The following ALDH16A1 variants were observed in gnomAD, a reference collection of about 807,000 sequenced individuals.
ALDH16A1 encodes the protein aldehyde dehydrogenase 16 family member A1, also known as aldehyde dehydrogenase family 16 member A1.
A neutral mutation model predicts 96.1 loss-of-function variants in ALDH16A1; 88 were observed. The observed-to-expected ratio is 0.92, with a 90% CI of 0.77 to 1.09. ALDH16A1 has a LOEUF of 1.09. Among genes scored for constraint, ALDH16A1 ranks in the 50% least tolerant of loss-of-function variants. The probability of loss-of-function intolerance (pLI) is 0.00; values close to 1 mark genes in which losing one functional copy is unlikely to be tolerated. For synonymous variants in ALDH16A1, 522 were observed against 496.4 expected, an observed-to-expected ratio of 1.05 and a Z score of -0.69; for missense variants, 1,250 against 1,112.6, an observed-to-expected ratio of 1.12 and a Z score of -1.76.
At position 49,462,739 on chromosome 19, in the gene ALDH16A1, A is replaced by T. The variant is rs780520972; in HGVS notation, c.1082A>T (p.Gln361Leu). Reference protein sequence around the residue: ...DLVQRFVREAQSQGAQVFQAG... With the variant: ...DLVQRFVREALSQGAQVFQAG... The stretch of plus-strand genomic sequence containing the variant: ...GTCCAGCGCTTTGTGCGTGAGGCCC[A>T]GAGCCAGGGTGCACAGGTGAGGCAG... The change falls in exon 8 of 17, where the codon CAG becomes CTG. Residue 361 changes from glutamine (Q) to leucine (L), a missense_variant. Transcript: ENST00000293350. 2 of 1,595,934 alleles carry T rather than the reference A, an allele frequency of 1.3e-6. No homozygotes were observed. Among genetic ancestry groups the T allele is most frequent in the South Asian group, 2.2e-5 (2 of 89,696 alleles).
At position 49,464,634 on chromosome 19, in the gene ALDH16A1, G is replaced by T; in HGVS notation, c.1440G>T (p.Gly480=). The change falls in exon 12 of 17, where the codon GGG becomes GGT. Residue 480 remains glycine, a splice_region_variant and synonymous_variant. Coordinates refer to ENST00000293350, the MANE Select transcript of ALDH16A1 (RefSeq NM_153329.4). ...TCTTGACACCGTCCCTCTCACAGGG[G>T]CTGTATGAGTATCTGCGGCCCTCAG... ...SGCSWHGGPD[G]LYEYLRPSGT... is the part of the protein sequence containing the mutation. 2 of 1,614,128 alleles carry T rather than the reference G, an allele frequency of 1.2e-6. No individual in the cohort carries two copies. The highest frequency in any genetic ancestry group is 1.7e-6 in the Non-Finnish European group (2 of 1,180,010).
intron 1 of ALDH16A1, among the ~76,000 whole-genome samples, chr19:49,453,834 A>G (rs940588819): frequency 2.0e-5 from 3 of 151,790 alleles, no homozygotes; most frequent in African/African-American, 7.3e-5. Flanking sequence ...TATGGCTTCC[A>G]TGGGCCTCCA....
chr19:49,469,128 C>T, intron 16 of ALDH16A1, 142 bp downstream of exon 16: 1 of 1,256,520 alleles, frequency 8.0e-7, no homozygotes, highest in East Asian at 2.5e-5. Context: ...GAGGCCCCGC[C>T]CTTAGGACTC....
chr19:49,462,808 C>T (rs2079162560), intron 8 of ALDH16A1, 53 bp downstream of exon 8: 2 of 1,474,310 alleles, frequency 1.4e-6, no homozygotes, highest in Admixed American at 2.6e-5. Context: ...GGCCTGGAGA[C>T]CCAGCTCCTG....
chr19:49,464,458 G>A lies in ALDH16A1; in HGVS notation c.1373G>A (p.Arg458Lys), dbSNP rs780070423. 13 of 1,611,584 alleles carry A rather than the reference G, an allele frequency of 8.1e-6. No individual in the cohort carries two copies. Among genetic ancestry groups the A allele is most frequent in the Non-Finnish European group, 9.3e-6 (11 of 1,179,102 alleles). ...GTVWINAHGL[R>K]DPSVPTGGCK... ...GTCTGGATCAACGCCCACGGCCTCAGAGACCCTTCGGTGCCCACAGGCGGC... is the reference window on the plus strand; with the variant it reads ...GTCTGGATCAACGCCCACGGCCTCAAAGACCCTTCGGTGCCCACAGGCGGC... Residue 458 changes from arginine to lysine, a missense_variant, in exon 11 of 17, where the codon AGA (arginine) becomes AAA (lysine). Physicochemically the swap from Arg to Lys is conservative, Grantham distance 26. Transcript: ENST00000293350.
At chr19:49,461,829 A>G in intron 6 of ALDH16A1, 29 bp downstream of exon 6, 2 of 1,604,800 alleles carry the variant, frequency 1.2e-6, no homozygotes, top group Non-Finnish European at 1.7e-6. Flanking sequence ...TCGTGGCGGA[A>G]CGCGGCTGGG....
In ALDH16A1 at chr19:49,466,169, G is replaced by A. The variant is rs1395675224; in HGVS notation, c.1824G>A (p.Ser608=). The A allele has an allele frequency of 3.8e-6, 6 of 1,559,256 alleles. No homozygotes were observed. Among genetic ancestry groups the A allele is most frequent in the African/African-American group, 1.4e-5 (1 of 73,938 alleles). ...AGCGCCGGAAGTCTACCCTGGCCTC[G>A]AGGCTGGAGAGGCAGGGAGCGGAGC... ...ALERRKSTLA[S]RLERQGAELK... The change falls in exon 14 of 17, where the codon TCG becomes TCA. Residue 608 remains serine, a synonymous_variant. Transcript: ENST00000293350.
intron 1 of ALDH16A1, among the ~76,000 whole-genome samples, chr19:49,455,392 G>C (rs2079099403): frequency 6.6e-6 from 1 of 151,138 alleles, no homozygotes; most frequent in South Asian, 2.1e-4. Context: ...CTCCAGCCTG[G>C]GCAACAAGAG....
At position 49,464,437 on chromosome 19, in the gene ALDH16A1, G is replaced by C. The variant is rs144710024; in HGVS notation, c.1352G>C (p.Trp451Ser). 2 of 1,606,260 alleles carry C rather than the reference G, an allele frequency of 1.2e-6. No individual in the cohort carries two copies. The highest frequency in any genetic ancestry group is 1.7e-6 in the Non-Finnish European group (2 of 1,176,884). The stretch of plus-strand genomic sequence containing the variant: ...CACAGGCTCCAGGTGGGCACTGTCT[G>C]GATCAACGCCCACGGCCTCAGAGAC... ...LGYGLQVGTV[W>S]INAHGLRDPS... is the part of the protein sequence containing the mutation. Residue 451 changes from tryptophan (W) to serine (S), a missense_variant, in exon 11 of 17, where the codon TGG becomes TCG. By Grantham distance (177) the Trp-to-Ser change is radical (BLOSUM62 -3). Coordinates refer to ENST00000293350, the MANE Select transcript of ALDH16A1 (RefSeq NM_153329.4).
In ALDH16A1 at chr19:49,468,912, G is replaced by C. The variant is rs1254307774; in HGVS notation, c.2173G>C (p.Asp725His). 1 of 1,613,940 alleles carries C rather than the reference G, an allele frequency of 6.2e-7. No individual in the cohort carries two copies. The highest frequency in any genetic ancestry group is 1.3e-5 in the African/African-American group (1 of 74,916). The change falls in exon 16 of 17, where the codon GAC becomes CAC. Residue 725 changes from aspartate to histidine, a missense_variant. Coordinates refer to ENST00000293350, the MANE Select transcript of ALDH16A1 (RefSeq NM_153329.4). This position sits in a 1 kb window ranked among gnomAD's most constrained non-coding sequence, Gnocchi z 4.4. ...AGGCCTGGCCAACGTGGTGACAGGAGACCGGGACCATCTGACCCGCTGCCT... is the reference window on the plus strand; with the variant it reads ...AGGCCTGGCCAACGTGGTGACAGGACACCGGGACCATCTGACCCGCTGCCT... ...PAGLANVVTG[D>H]RDHLTRCLAL... is the part of the protein sequence containing the mutation.
chr19:49,467,038 G>A (rs1171194454), intron 14 of ALDH16A1, among the ~76,000 whole-genome samples: 1 of 152,144 alleles, frequency 6.6e-6, no homozygotes, highest in Non-Finnish European at 1.5e-5. Flanking sequence ...TGGGCATGTT[G>A]GCACCAGTCT....
chr19:49,470,590 G>T lies in ALDH16A1; in HGVS notation c.*123G>T. 2.7e-6 allele frequency: 3 copies of T among 1,109,544 alleles called. No homozygotes were observed. Among genetic ancestry groups the T allele is most frequent in the Non-Finnish European group, 3.6e-6 (3 of 840,712 alleles). 68.7% of individuals were successfully genotyped at this position (1,109,544 alleles called of 1,614,324 possible). Reference sequence around the variant, plus strand: ...CCAATAAACTCTCTGACCAACCCTAGCTGTGCTTCTGCGAGAAGAAAGGGT... The same window carrying T: ...CCAATAAACTCTCTGACCAACCCTATCTGTGCTTCTGCGAGAAGAAAGGGT... On this transcript the variant is annotated 3_prime_UTR_variant, in exon 17 of 17. Coordinates refer to ENST00000293350, the MANE Select transcript of ALDH16A1 (RefSeq NM_153329.4).
rs1433596245 is a variant in ALDH16A1 at position 49,464,758 on chromosome 19, C to T, written c.1564C>T (p.Pro522Ser). The T allele has an allele frequency of 6.2e-7, 1 of 1,613,982 alleles. No homozygotes were observed. Among genetic ancestry groups the T allele is most frequent in the South Asian group, 1.1e-5 (1 of 91,084 alleles). ...CCTGCCGGCTGGGCCTGAAATAGGG[C>T]CCAGGTGAGTCGTTGGGGGCCAGTG... is the stretch of plus-strand genomic sequence containing the variant. ...STLPAGPEIG[P>S]SPAPPYGLFV... The change falls in exon 12 of 17, where the codon CCC (proline) becomes TCC (serine). Residue 522 changes from proline (P) to serine (S), a missense_variant. By Grantham distance (74) the Pro-to-Ser change is moderately conservative. Transcript: ENST00000293350.
At position 49,461,713 on chromosome 19, in the gene ALDH16A1, G is replaced by T; in HGVS notation, c.672G>T (p.Leu224=). 1 of 1,610,236 alleles carries T rather than the reference G, an allele frequency of 6.2e-7. No homozygotes were observed. The highest frequency in any genetic ancestry group is 8.5e-7 in the Non-Finnish European group (1 of 1,178,356). The change falls in exon 6 of 17, where the codon CTG becomes CTT. Residue 224 remains leucine, a synonymous_variant. Coordinates refer to ENST00000293350, the MANE Select transcript of ALDH16A1 (RefSeq NM_153329.4). The stretch of plus-strand genomic sequence containing the variant: ...AGCTGGGCCCCTTCCCGGGAATCCT[G>T]AATGTCCTCAGTGGCCCTGCGTCCC... ...AGELGPFPGI[L]NVLSGPASLV...
At chr19:49,460,508 G>C (rs752250911) in intron 4 of ALDH16A1, among the ~76,000 whole-genome samples, 1 of 150,112 alleles carries the variant, frequency 6.7e-6, no homozygotes, top group Admixed American at 6.7e-5. Context: ...TCCGCCTCCC[G>C]TGTTCAAGTG....
chr19:49,456,758 T>A (rs2079106732), intron 1 of ALDH16A1, among the ~76,000 whole-genome samples: 1 of 152,162 alleles, frequency 6.6e-6, no homozygotes. Flanking sequence ...CTCACAGATG[T>A]CTCTCTCCCT....
intron 4 of ALDH16A1, 29 bp from the exon 5 acceptor site, chr19:49,460,793 G>A (rs1948070371): frequency 6.3e-7 from 1 of 1,599,732 alleles, no homozygotes; most frequent in Non-Finnish European, 8.6e-7. Flanking sequence ...AGCCTCAAGG[G>A]ATCCTCTTGC....
intron 1 of ALDH16A1, 138 bp downstream of exon 1, chr19:49,453,559 T>C: frequency 1.2e-6 from 1 of 813,868 alleles, no homozygotes; most frequent in Non-Finnish European, 1.9e-6. Flanking sequence ...CGCCGCCCAA[T>C]AGGATCGCGC....
intron 1 of ALDH16A1, among the ~76,000 whole-genome samples, chr19:49,456,010 G>C (rs1201861589): frequency 6.6e-6 from 1 of 152,106 alleles, no homozygotes; most frequent in Non-Finnish European, 1.5e-5. Flanking sequence ...AAGTCATCTG[G>C]GACCAATAGC....
Sources: gnomAD v4.1 joint callset for allele counts (sites outside exome capture counted in the v4.1 genomes callset) on GRCh38, gnomAD v4.1.1 for gene constraint, Gnocchi (gnomAD v3.1) non-coding constraint, MANE v1.5 for transcripts, NCBI Gene and HGNC (gene_info 2026-07-23, HGNC 2026-07-21) for gene names.